The following HIF1A variants were observed in gnomAD, a reference collection of about 807,000 sequenced individuals.
HIF1A encodes the protein hypoxia inducible factor 1 subunit alpha.
In HIF1A, 24 loss-of-function variants were observed where a neutral mutation model predicts 92.7. That is an observed-to-expected ratio of 0.26 (90% CI 0.19 to 0.36). HIF1A has a LOEUF of 0.36. Ranked by LOEUF, HIF1A falls within the 10% of genes least tolerant of loss-of-function variation. The probability of loss-of-function intolerance (pLI) is 1.00; values close to 1 mark genes in which losing one functional copy is unlikely to be tolerated. For missense variants in HIF1A, 799 were observed against 998.5 expected, an observed-to-expected ratio of 0.80 and a Z score of 2.69; for synonymous variants, 319 against 338.7, an observed-to-expected ratio of 0.94 and a Z score of 0.64.
intron 1 of HIF1A, among the ~76,000 whole-genome samples, chr14:61,719,192 C>T (rs1415003741): frequency 1.3e-5 from 2 of 152,106 alleles, no homozygotes; most frequent in African/African-American, 2.4e-5. Context: ...GGCTAAAAGT[C>T]CTTATTTAGC....
In HIF1A at chr14:61,734,124, C is replaced by T. The variant is rs531242175; in HGVS notation, c.881-14C>T. On this transcript the variant is annotated splice_polypyrimidine_tract_variant and intron_variant, in intron 7 of 14. Coordinates refer to ENST00000337138, the MANE Select transcript of HIF1A (RefSeq NM_001530.4). ...ATATTTTCTCTGCATGATTCTTTTT[C>T]TTTTCCCCCCTAGTGTTTACTAAAG... The T allele has an allele frequency of 5.0e-5, 75 of 1,507,924 alleles. No homozygotes were observed. In the South Asian group the frequency reaches 8.8e-4, roughly 18 times the overall value. 93.4% of individuals were successfully genotyped at this position (1,507,924 alleles called of 1,614,324 possible).
At chr14:61,709,067 T>C (rs1224137599) in intron 1 of HIF1A, among the ~76,000 whole-genome samples, 1 of 152,090 alleles carries the variant, frequency 6.6e-6, no homozygotes, top group East Asian at 1.9e-4. Context: ...CTAGCTAATT[T>C]TGTATTTTTA....
At chr14:61,713,510 G>A (rs2140129891) in intron 1 of HIF1A, among the ~76,000 whole-genome samples, 1 of 152,238 alleles carries the variant, frequency 6.6e-6, no homozygotes, top group Non-Finnish European at 1.5e-5. Context: ...CAAGCATTTG[G>A]GAATAAAGCA....
chr14:61,741,523 G>A (rs1315536901), intron 12 of HIF1A, among the ~76,000 whole-genome samples: 2 of 151,616 alleles, frequency 1.3e-5, no homozygotes, highest in African/African-American at 4.8e-5. Context: ...GCACCACCAC[G>A]CCCGGCTGAT....
In HIF1A at chr14:61,737,559, A is replaced by G. The variant is rs60878101; in HGVS notation, c.1249+450A>G. ...AGGTTGGTATTGCCTTTTGTCTTTTATGCCATAGAGATTAAGACGCGGTAT... is the reference window on the plus strand; with the variant it reads ...AGGTTGGTATTGCCTTTTGTCTTTTGTGCCATAGAGATTAAGACGCGGTAT... On this transcript the variant is annotated intron_variant, in intron 9 of 14. Transcript: ENST00000337138. Among the ~76,000 whole-genome samples the G allele has an allele frequency of 2.8e-3, 425 of 152,326 alleles. 2 individuals are homozygous for G. The highest frequency in any genetic ancestry group is 9.5e-3 in the African/African-American group (394 of 41,576).
intron 1 of HIF1A, among the ~76,000 whole-genome samples, chr14:61,704,931 T>A (rs894471451): frequency 1.3e-5 from 2 of 152,196 alleles, no homozygotes; most frequent in Non-Finnish European, 2.9e-5. Context: ...CATTGCACTT[T>A]AAAGTTTGAG....
At position 61,747,023 on chromosome 14, in the gene HIF1A, C is replaced by A. The variant is rs766542880; in HGVS notation, c.2419C>A (p.Gln807Lys). Reference protein sequence around the residue: ...SYDCEVNAPIQGSRNLLQGEE... With the variant: ...SYDCEVNAPIKGSRNLLQGEE... ...TGATTGTGAAGTTAATGCTCCTATA[C>A]AAGGCAGCAGAAACCTACTGCAGGG... The change falls in exon 15 of 15, where the codon CAA becomes AAA. Residue 807 changes from glutamine (Q) to lysine (K), a missense_variant. Coordinates refer to ENST00000337138, the MANE Select transcript of HIF1A (RefSeq NM_001530.4). 9 of 1,613,438 alleles carry A rather than the reference C, an allele frequency of 5.6e-6. No homozygotes were observed. In the South Asian group the frequency reaches 8.8e-5, roughly 16 times the overall value.
chr14:61,737,218 G>A, intron 9 of HIF1A, 109 bp downstream of exon 9: 1 of 704,072 alleles, frequency 1.4e-6, no homozygotes, highest in Non-Finnish European at 2.4e-6. Flanking sequence ...GACATTACAA[G>A]CTAATATATG....
intron 7 of HIF1A, 58 bp downstream of exon 7, chr14:61,732,582 T>C: frequency 6.7e-6 from 7 of 1,046,670 alleles, no homozygotes; most frequent in South Asian, 6.6e-5. Context: ...GCAACCTCTG[T>C]ACAGTTTGGC....
intron 6 of HIF1A, among the ~76,000 whole-genome samples, chr14:61,728,372 C>A (rs773860003): frequency 1.3e-5 from 2 of 152,226 alleles, no homozygotes; most frequent in Non-Finnish European, 1.5e-5. Context: ...GTTTCTATTA[C>A]TATTTCCCAC....
chr14:61,746,121 G>A (rs903652052), intron 14 of HIF1A, among the ~76,000 whole-genome samples: 2 of 151,654 alleles, frequency 1.3e-5, no homozygotes, highest in African/African-American at 4.8e-5. Context: ...CTACTTGGGA[G>A]GCTGAGGCAT....
intron 4 of HIF1A, among the ~76,000 whole-genome samples, chr14:61,724,551 T>C (rs1284767404): frequency 6.6e-6 from 1 of 152,142 alleles, no homozygotes; most frequent in Non-Finnish European, 1.5e-5. Flanking sequence ...CCATTATTCA[T>C]AGAGTATAGG....
At chr14:61,732,077 G>A (rs952157586) in intron 6 of HIF1A, among the ~76,000 whole-genome samples, 6 of 152,250 alleles carry the variant, frequency 3.9e-5, no homozygotes, top group South Asian at 2.1e-4. Context: ...TGGAGGTTGC[G>A]GTGAGCCAAG....
chr14:61,738,442 T>G, intron 10 of HIF1A, 69 bp downstream of exon 10: 3 of 1,357,092 alleles, frequency 2.2e-6, no homozygotes, highest in Non-Finnish European at 3.0e-6. Context: ...TATTTATAAG[T>G]TTGATTCAAA....
Position 61,746,730 on chromosome 14 carries a change from A to T in HIF1A, c.2330-204A>T, listed in dbSNP as rs1350017800. On this transcript the variant is annotated intron_variant, in intron 14 of 14. Coordinates refer to ENST00000337138, the MANE Select transcript of HIF1A (RefSeq NM_001530.4). Reference sequence around the variant, plus strand: ...CAAATTGTTATTTCTTTGTGCCTTTATTGTATCCTGTAAACATTTCTGACA... The same window carrying T: ...CAAATTGTTATTTCTTTGTGCCTTTTTTGTATCCTGTAAACATTTCTGACA... Among the ~76,000 whole-genome samples, 4 of 152,210 alleles carry T rather than the reference A, an allele frequency of 2.6e-5. 1 individual carries two copies. The East Asian group carries it at 7.7e-4, about 29-fold the overall frequency.
intron 4 of HIF1A, among the ~76,000 whole-genome samples, chr14:61,722,922 A>G (rs2140138907): frequency 6.6e-6 from 1 of 152,314 alleles, no homozygotes; most frequent in Non-Finnish European, 1.5e-5. Context: ...ACTGATCATA[A>G]TTATTTAAAA....
At chr14:61,732,893 A>T (rs181435572) in intron 7 of HIF1A, among the ~76,000 whole-genome samples, 1 of 152,328 alleles carries the variant, frequency 6.6e-6, no homozygotes, top group African/African-American at 2.4e-5. Context: ...GGTGGTGAAC[A>T]TCACCTTTGG....
intron 1 of HIF1A, among the ~76,000 whole-genome samples, chr14:61,719,307 T>C (rs2044399447): frequency 1.3e-5 from 2 of 152,348 alleles, no homozygotes; most frequent in Non-Finnish European, 2.9e-5. Context: ...TGTGAGTGTT[T>C]AAAGTAGAAG....
Position 61,738,244 on chromosome 14 carries a change from A to C in HIF1A, c.1407A>C (p.Ala469=). The C allele has an allele frequency of 1.9e-6, 3 of 1,614,168 alleles. No homozygotes were observed. Among genetic ancestry groups the C allele is most frequent in the Non-Finnish European group, 2.5e-6 (3 of 1,180,040 alleles). Residue 469 remains alanine (A), a synonymous_variant, in exon 10 of 15, where the codon GCA becomes GCC. Transcript: ENST00000337138. ...PKPLRSSADP[A]LNQEVALKLE... Reference sequence around the variant, plus strand: ...CACTTCGAAGTAGTGCTGACCCTGCACTCAATCAAGAAGTTGCATTAAAAT... The same window carrying C: ...CACTTCGAAGTAGTGCTGACCCTGCCCTCAATCAAGAAGTTGCATTAAAAT...
Sources: allele counts gnomAD v4.1 joint callset (sites outside exome capture counted in the v4.1 genomes callset), GRCh38; gene constraint gnomAD v4.1.1; transcripts MANE v1.5; gene names NCBI Gene and HGNC (gene_info 2026-07-23, HGNC 2026-07-21).